Variants in CCP110 observed in about 807,000 individuals in gnomAD.
CCP110 encodes the protein centriolar coiled-coil protein 110.
CCP110 carries 43 observed loss-of-function variants against 105.5 expected under a neutral mutation model. That is an observed-to-expected ratio of 0.41 (90% CI 0.32 to 0.53). The LOEUF (loss-of-function observed/expected upper bound fraction) is 0.53, where lower values mean the gene tolerates loss of function less well. Among genes scored for constraint, CCP110 ranks in the 20% least tolerant of loss-of-function variants. CCP110 has a pLI of 0.32. For missense variants in CCP110, 1,016 were observed against 1,189.1 expected, an observed-to-expected ratio of 0.85 and a Z score of 2.14; for synonymous variants, 353 against 392.1, an observed-to-expected ratio of 0.90 and a Z score of 1.18.
At chr16:19,537,257 A>C in exon 4 of CCP110, 1 of 1,614,174 alleles carries the variant, frequency 6.2e-7, no homozygotes, top group Non-Finnish European at 8.5e-7. Flanking sequence ...GCCAGCCAGT[A>C]TGTTAGAGAA....
chr16:19,542,088 C>T, intron 6 of CCP110, 24 bp downstream of exon 6: 1 of 1,481,550 alleles, frequency 6.7e-7, no homozygotes, highest in Non-Finnish European at 9.1e-7. Context: ...AATCCTTTTA[C>T]ATTTGGGAAA....
chr16:19,528,381 C>T (rs761328292), intron 2 of CCP110, among the ~76,000 whole-genome samples: 1 of 152,174 alleles, frequency 6.6e-6, no homozygotes, highest in South Asian at 2.1e-4. Context: ...GAAATAAGTA[C>T]AAAGTTACAT....
chr16:19,551,420 C>T (rs1280401654), exon 15 of CCP110: 20 of 655,428 alleles, frequency 3.1e-5, no homozygotes, highest in Admixed American at 1.3e-4. Flanking sequence ...CTCCACACCC[C>T]TATTTTCCTC....
At chr16:19,526,920 G>A (rs13333955) in intron 1 of CCP110, 1 of 152,014 alleles carries the variant, frequency 6.6e-6, no homozygotes, top group Non-Finnish European at 1.5e-5. Context: ...ACCCTTGCTG[G>A]TTATGATTCT....
chr16:19,542,082 CT>C lies in CCP110; in HGVS notation c.2227+22del. 2.0e-6 allele frequency: 3 copies of C among 1,510,344 alleles called. No homozygotes were observed. Among genetic ancestry groups the C allele is most frequent in the Middle Eastern group, 1.8e-4 (1 of 5,630 alleles). The allele number at this position is 1,510,344 out of a possible 1,614,324, so 93.6% of individuals were successfully genotyped here. On this transcript the variant is annotated intron_variant, in intron 6 of 14. Transcript: ENST00000381396. ...TAGTTCTGGTAAATATTTAAAAATCCTTTTACATTTGGGAAAGTGATCCTAC... is the reference window on the plus strand; with the variant it reads ...TAGTTCTGGTAAATATTTAAAAATCCTTTACATTTGGGAAAGTGATCCTAC...
intron 2 of CCP110, among the ~76,000 whole-genome samples, chr16:19,531,406 A>G (rs1028760140): frequency 6.6e-6 from 1 of 152,188 alleles, no homozygotes. Flanking sequence ...CAGTGATTTA[A>G]TTTCCCAGGA....
chr16:19,542,644 T>C (rs1249900436), exon 7 of CCP110: 1 of 1,612,574 alleles, frequency 6.2e-7, no homozygotes, highest in Non-Finnish European at 8.5e-7. Context: ...TGCCATGCAA[T>C]ATAGCTTTGT....
chr16:19,545,362 C>T (rs1299669851), intron 10 of CCP110, 152 bp downstream of exon 10: 3 of 513,370 alleles, frequency 5.8e-6, no homozygotes, highest in African/African-American at 4.0e-5. Context: ...AATCTGTAGA[C>T]AGATTTAAAA....
intron 9 of CCP110, 25 bp from the exon 10 acceptor site, chr16:19,545,069 C>A: frequency 7.3e-7 from 1 of 1,366,106 alleles, no homozygotes; most frequent in Non-Finnish European, 1.0e-6. Flanking sequence ...TAAATGTATA[C>A]AATATTTTCT....
In CCP110 at chr16:19,530,064, G is replaced by A. The variant is rs529932158; in HGVS notation, c.141+2042G>A. 4.6e-5 allele frequency among the ~76,000 whole-genome samples: 7 copies of A among 152,134 alleles called. No homozygotes were observed. The South Asian group carries it at 6.2e-4, about 14-fold the overall frequency. On this transcript the variant is annotated intron_variant, in intron 2 of 14. Coordinates refer to ENST00000381396, the Ensembl canonical transcript of CCP110. ...ATACAAAAAAGAGCTGGGTGTGGTG[G>A]CGCGCACCAGGAGTCTCAGCTGCTC...
chr16:19,539,460 G>A (rs941600028), intron 4 of CCP110, among the ~76,000 whole-genome samples: 4 of 151,678 alleles, frequency 2.6e-5, no homozygotes, highest in African/African-American at 4.8e-5. Context: ...GGGTTCAAGC[G>A]ATTCTCCTGC....
chr16:19,548,485 T>TGAC lies in CCP110; in HGVS notation c.2901-29_2901-27dup, dbSNP rs1274917201. The TGAC allele has an allele frequency of 7.3e-7, 1 of 1,367,610 alleles. No individual in the cohort carries two copies. The highest frequency in any genetic ancestry group is 1.0e-6 in the Non-Finnish European group (1 of 993,688). The allele number at this position is 1,367,610 out of a possible 1,614,324, so 84.7% of individuals were successfully genotyped here. On this transcript the variant is annotated intron_variant, in intron 13 of 14. Coordinates refer to ENST00000381396, the Ensembl canonical transcript of CCP110. The surrounding 1 kb of genome is among the most constrained non-coding windows in gnomAD (Gnocchi z 4.1). ...TTGAACATTTAGACCTTAATGCCAG[T>TGAC]GACTTATTAATTTTTTTATATTCAA...
intron 2 of CCP110, among the ~76,000 whole-genome samples, chr16:19,530,318 C>T (rs8060948): frequency 0.018 from 2,676 of 152,266 alleles, 90 homozygotes; most frequent in African/African-American, 0.062. Context: ...ACTTGTTTCT[C>T]TAGTCCCTGT....
chr16:19,544,286 G>C (rs559402754), intron 8 of CCP110, among the ~76,000 whole-genome samples: 5 of 152,148 alleles, frequency 3.3e-5, no homozygotes, highest in African/African-American at 1.2e-4. Flanking sequence ...ACATGTAAAT[G>C]AAGCAGTTTG....
chr16:19,537,486 G>A, exon 4 of CCP110: 2 of 1,611,622 alleles, frequency 1.2e-6, no homozygotes, highest in South Asian at 1.1e-5. Context: ...GTCATAACAA[G>A]TGGAATAACT....
exon 8 of CCP110, chr16:19,542,944 C>A: frequency 6.2e-7 from 1 of 1,612,780 alleles, no homozygotes; most frequent in South Asian, 1.1e-5. Flanking sequence ...ATTTCTTACT[C>A]GTAGACTTAT....
chr16:19,536,761 A>T, exon 4 of CCP110: 1 of 1,614,164 alleles, frequency 6.2e-7, no homozygotes, highest in Non-Finnish European at 8.5e-7. Context: ...ATGCCAAATT[A>T]CCTAGTCCAG....
exon 15 of CCP110, chr16:19,551,506 A>C (rs779155329): frequency 4.4e-6 from 2 of 457,608 alleles, no homozygotes; most frequent in Non-Finnish European, 7.8e-6. Flanking sequence ...TACAAACATA[A>C]GTTTATTTTA....
At chr16:19,551,080 A>C in intron 14 of CCP110, 116 bp from the exon 14 acceptor site, 1 of 704,272 alleles carries the variant, frequency 1.4e-6, no homozygotes, top group African/African-American at 1.8e-5. Context: ...TAAGGATTAA[A>C]TATGATAATG....
Sources: allele counts gnomAD v4.1 joint callset (sites outside exome capture counted in the v4.1 genomes callset), GRCh38; gene constraint gnomAD v4.1.1; non-coding constraint Gnocchi (gnomAD v3.1); transcripts MANE v1.5; gene names NCBI Gene and HGNC (gene_info 2026-07-23, HGNC 2026-07-21).